Variants in AUH observed in about 807,000 individuals in gnomAD.
The protein encoded by AUH is AU RNA binding methylglutaconyl-CoA hydratase, also known as methylglutaconyl-CoA hydratase, mitochondrial.
In AUH, 29 loss-of-function variants were observed where a neutral mutation model predicts 42.3. The observed-to-expected ratio is 0.69, with a 90% confidence interval of 0.51 to 0.93. AUH has a LOEUF of 0.93. Ranked by LOEUF, AUH falls within the 40% of genes least tolerant of loss-of-function variation. The pLI, the probability that AUH is intolerant of heterozygous loss-of-function variation, is 0.00. For missense variants in AUH, 452 were observed against 438.1 expected (o/e 1.03, Z -0.28); for synonymous variants, 174 against 166.4 (o/e 1.05, Z -0.35).
At chr9:91,272,399 G>A (rs1464267237) in intron 6 of AUH, among the ~76,000 whole-genome samples, 6 of 152,092 alleles carry the variant, frequency 3.9e-5, no homozygotes, top group South Asian at 2.1e-4. Flanking sequence ...TACACATCCC[G>A]TCAGTGTCCT....
chr9:91,308,893 C>T (rs1035615598), intron 4 of AUH, among the ~76,000 whole-genome samples: 9 of 151,212 alleles, frequency 6.0e-5, no homozygotes, highest in Non-Finnish European at 1.3e-4. Flanking sequence ...CAGGTTCAAG[C>T]GATTCTCCTG....
intron 8 of AUH, among the ~76,000 whole-genome samples, chr9:91,216,439 GAC>G (rs113531404): frequency 0.033 from 4,861 of 149,124 alleles, 255 homozygotes; most frequent in African/African-American, 0.11. Flanking sequence ...TTTATGTCGC[GAC>G]ACACACACAC....
intron 6 of AUH, among the ~76,000 whole-genome samples, chr9:91,230,135 A>G (rs9792517): frequency 0.072 from 10,839 of 151,284 alleles, 622 homozygotes; most frequent in East Asian, 0.24. Context: ...TCTCCTGGAT[A>G]ATATCCTGCA....
chr9:91,247,216 G>T (rs1187352926), intron 6 of AUH, among the ~76,000 whole-genome samples: 1 of 152,040 alleles, frequency 6.6e-6, no homozygotes, highest in Non-Finnish European at 1.5e-5. Flanking sequence ...TCTACATCCG[G>T]ACAGAGAAAC....
At chr9:91,251,408 G>C (rs1270812216) in intron 6 of AUH, among the ~76,000 whole-genome samples, 2 of 152,208 alleles carry the variant, frequency 1.3e-5, no homozygotes, top group African/African-American at 4.8e-5. Context: ...CCTTTGCTGT[G>C]TGTTTTCAGA....
chr9:91,261,218 G>C (rs1829691919), intron 6 of AUH, among the ~76,000 whole-genome samples: 1 of 152,082 alleles, frequency 6.6e-6, no homozygotes, highest in Non-Finnish European at 1.5e-5. Flanking sequence ...GGATTATGCT[G>C]TATTTCTTCA....
intron 6 of AUH, among the ~76,000 whole-genome samples, chr9:91,231,025 G>C (rs1827843884): frequency 6.6e-6 from 1 of 152,230 alleles, no homozygotes; most frequent in African/African-American, 2.4e-5. Context: ...CCTGCCCCCA[G>C]AGGTGGAGCC....
intron 4 of AUH, among the ~76,000 whole-genome samples, chr9:91,314,103 C>T (rs1480348379): frequency 6.6e-6 from 1 of 152,068 alleles, no homozygotes; most frequent in African/African-American, 2.4e-5. Context: ...GGACTGCAGG[C>T]ATGAGCCACT....
intron 6 of AUH, among the ~76,000 whole-genome samples, chr9:91,263,755 C>T (rs1437311049): frequency 6.6e-6 from 1 of 152,058 alleles, no homozygotes; most frequent in African/African-American, 2.4e-5. Flanking sequence ...AAATAGTAAA[C>T]TTGTATCTAG....
chr9:91,250,789 CAG>C (rs1284326011), intron 6 of AUH, among the ~76,000 whole-genome samples: 2 of 152,224 alleles, frequency 1.3e-5, no homozygotes, highest in African/African-American at 4.8e-5. Context: ...CTTTTGACGG[CAG>C]AGAGTCGCCC....
intron 6 of AUH, among the ~76,000 whole-genome samples, chr9:91,257,978 GTTAAAT>G (rs1042094969): frequency 2.0e-5 from 3 of 152,142 alleles, no homozygotes; most frequent in Admixed American, 1.3e-4. Flanking sequence ...CAAATATTGT[GTTAAAT>G]TTAAAGTATT....
intron 3 of AUH, among the ~76,000 whole-genome samples, chr9:91,339,419 G>C (rs1028912505): frequency 1.3e-5 from 2 of 152,156 alleles, no homozygotes; most frequent in African/African-American, 4.8e-5. Flanking sequence ...GTAAGTTACA[G>C]GATTGAGCAA....
At chr9:91,257,707 A>C (rs755237347) in intron 6 of AUH, among the ~76,000 whole-genome samples, 54 of 152,282 alleles carry the variant, frequency 3.5e-4, no homozygotes, top group Non-Finnish European at 7.1e-4. Flanking sequence ...CTTTATAGTA[A>C]GTCTTGAAAT....
intron 3 of AUH, among the ~76,000 whole-genome samples, chr9:91,344,004 C>T (rs1328972125): frequency 1.3e-5 from 2 of 152,132 alleles, no homozygotes; most frequent in Non-Finnish European, 2.9e-5. Flanking sequence ...CTAGTTCAGG[C>T]CATGATGGAA....
intron 6 of AUH, among the ~76,000 whole-genome samples, chr9:91,257,465 C>T (rs1343183969): frequency 2.0e-5 from 3 of 152,146 alleles, no homozygotes; most frequent in African/African-American, 7.2e-5. Context: ...AGCCTCCTCC[C>T]ACCCCAACAG....
intron 3 of AUH, among the ~76,000 whole-genome samples, chr9:91,342,313 A>G (rs967586314): frequency 6.6e-6 from 1 of 152,070 alleles, no homozygotes; most frequent in Non-Finnish European, 1.5e-5. Context: ...TCCCTCTTGT[A>G]TGAACCCTTG....
In AUH at chr9:91,217,307, C is replaced by T. The variant is rs199569104; in HGVS notation, c.864G>A (p.Val288=). ...FLPQGPVAMR[V]AKLAINQGME... is the part of the protein sequence containing the mutation. ...TCCCTTGATTAATTGCTAATTTTGC[C>T]ACTCTCATTGCAACAGGTCCCTAAA... Residue 288 remains valine (V), a synonymous_variant, in exon 8 of 10, where the codon GTG becomes GTA. Coordinates refer to ENST00000375731, the MANE Select transcript of AUH (RefSeq NM_001698.3). 104 of 1,613,828 alleles carry T rather than the reference C, an allele frequency of 6.4e-5. No homozygotes were observed. Among genetic ancestry groups the T allele is most frequent in the Non-Finnish European group, 8.6e-5 (102 of 1,179,862 alleles).
intron 6 of AUH, among the ~76,000 whole-genome samples, chr9:91,241,406 A>G (rs919589352): frequency 6.6e-6 from 1 of 152,124 alleles, no homozygotes; most frequent in Non-Finnish European, 1.5e-5. Context: ...TATATTATAT[A>G]TAAGTATATG....
chr9:91,315,140 C>T (rs938640302), intron 4 of AUH, among the ~76,000 whole-genome samples: 12 of 152,108 alleles, frequency 7.9e-5, no homozygotes, highest in East Asian at 3.9e-4. Context: ...GGTTTCACCA[C>T]GTTGGCCAGG....
Sources: allele counts gnomAD v4.1 joint callset (sites outside exome capture counted in the v4.1 genomes callset), GRCh38; gene constraint gnomAD v4.1.1; transcripts MANE v1.5; gene names NCBI Gene and HGNC (gene_info 2026-07-23, HGNC 2026-07-21).